The following ASB5 variants were observed in gnomAD, a reference collection of about 807,000 sequenced individuals.
The protein encoded by ASB5 is ankyrin repeat and SOCS box protein 5.
Under a neutral mutation model 42.1 loss-of-function variants are expected in ASB5, and 45 were observed. The observed-to-expected ratio is 1.07, with a 90% confidence interval of 0.84 to 1.37. ASB5 has a LOEUF of 1.37. ASB5 is among the 40% of genes most tolerant of loss of function. ASB5 has a pLI of 0.00. For synonymous variants in ASB5, 147 were observed against 150.6 expected (o/e 0.98, Z 0.18); for missense variants, 402 against 399.8 (o/e 1.01, Z -0.05).
At chr4:176,221,639 G>T in intron 3 of ASB5, 39 bp from the exon 4 acceptor site, 1 of 1,534,778 alleles carries the variant, frequency 6.5e-7, no homozygotes, top group Non-Finnish European at 8.9e-7. Flanking sequence ...AGATTCATAA[G>T]TCATACATGA....
At chr4:176,257,047 A>AT (rs1754170584) in intron 1 of ASB5, among the ~76,000 whole-genome samples, 2 of 152,340 alleles carry the variant, frequency 1.3e-5, no homozygotes, top group East Asian at 1.9e-4. Flanking sequence ...TTGACATTAG[A>AT]TTTTGTCTTT....
chr4:176,265,381 AGTGAGT>A (rs1257970981), intron 1 of ASB5, among the ~76,000 whole-genome samples: 1 of 152,198 alleles, frequency 6.6e-6, no homozygotes, highest in Non-Finnish European at 1.5e-5. Flanking sequence ...GTCATTTGGC[AGTGAGT>A]GTTCTGGAAA....
intron 1 of ASB5, among the ~76,000 whole-genome samples, chr4:176,254,344 T>A (rs1754106580): frequency 6.6e-6 from 1 of 152,196 alleles, no homozygotes; most frequent in Non-Finnish European, 1.5e-5. Flanking sequence ...GATTCTGGAA[T>A]AGCTGGCTAG....
intron 2 of ASB5, among the ~76,000 whole-genome samples, chr4:176,224,667 C>T (rs369566828): frequency 6.6e-6 from 1 of 151,960 alleles, no homozygotes; most frequent in Non-Finnish European, 1.5e-5. Flanking sequence ...GCCATTGTGC[C>T]AGCCTAGCTG....
At position 176,225,337 on chromosome 4, in the gene ASB5, G is replaced by C; in HGVS notation, c.201C>G (p.Ser67=). The C allele has an allele frequency of 6.2e-7, 1 of 1,612,596 alleles. No individual in the cohort carries two copies. Residue 67 remains serine, a synonymous_variant, in exon 2 of 7, where the codon TCC becomes TCG. Coordinates refer to ENST00000296525, the MANE Select transcript of ASB5 (RefSeq NM_080874.4). ...CATGTAGTGGTGATCGATCTGCCCA[G>C]GAACCTGTCAAAAAAGAAAAAAAGA... ...EFYGVTQGQG[S]WADRSPLHEA...
upstream of ASB5, among the ~76,000 whole-genome samples, chr4:176,272,426 A>G (rs1385771402): frequency 6.6e-6 from 1 of 152,196 alleles, no homozygotes; most frequent in East Asian, 1.9e-4. Flanking sequence ...TTTTAATAAA[A>G]TAATGGAGTG....
At chr4:176,235,821 T>G (rs1300390451) in intron 1 of ASB5, among the ~76,000 whole-genome samples, 2 of 151,700 alleles carry the variant, frequency 1.3e-5, no homozygotes, top group African/African-American at 2.4e-5. Flanking sequence ...AATCATAGCA[T>G]GGGGGCATTT....
In ASB5 at chr4:176,221,515, T is replaced by A. The variant is rs751819078; in HGVS notation, c.470A>T (p.Glu157Val). The change falls in exon 4 of 7, where the codon GAG (glutamate) becomes GTG (valine). Residue 157 changes from glutamate (E) to valine (V), a missense_variant. By Grantham distance (121) the Glu-to-Val change is moderately radical (BLOSUM62 -2). Transcript: ENST00000296525. ...CTCCAGCTGGGCTTTGGCACCATACTCCAGAAGCAGCTCTGCACAGCTTGG... is the reference window on the plus strand; with the variant it reads ...CTCCAGCTGGGCTTTGGCACCATACACCAGAAGCAGCTCTGCACAGCTTGG... ...GSPSCAELLLEYGAKAQLESC... is the reference protein window; with the variant it reads ...GSPSCAELLLVYGAKAQLESC... 6.2e-7 allele frequency: 1 copy of A among 1,614,152 alleles called. No homozygotes were observed. The highest frequency in any genetic ancestry group is 8.5e-7 in the Non-Finnish European group (1 of 1,180,006).
At chr4:176,251,078 A>G (rs1357377127) in intron 1 of ASB5, among the ~76,000 whole-genome samples, 1 of 151,996 alleles carries the variant, frequency 6.6e-6, no homozygotes, top group Non-Finnish European at 1.5e-5. Flanking sequence ...TCTGATCTGC[A>G]CCATGGACAA....
chr4:176,229,981 C>T lies in ASB5; in HGVS notation c.197-4640G>A, dbSNP rs1415574346. Among the ~76,000 whole-genome samples the T allele has an allele frequency of 3.9e-5, 6 of 152,020 alleles. No homozygotes were observed. The South Asian group carries it at 8.3e-4, about 21-fold the overall frequency. The stretch of plus-strand genomic sequence containing the variant: ...AGCAGGAGGAAGTGAGAAATGGGAT[C>T]GGGTGTAGGAAAAAAGCTGAGGGGC... On this transcript the variant is annotated intron_variant, in intron 1 of 6. Transcript: ENST00000296525.
chr4:176,243,796 G>A lies in ASB5; in HGVS notation c.197-18455C>T, dbSNP rs60836258. ...TGGTATTACAGGCATGAGCCACTAC[G>A]CAGGCAATTTTTTCCCTTAAAGTCT... On this transcript the variant is annotated intron_variant, in intron 1 of 6. Transcript: ENST00000296525. 2.5e-3 allele frequency among the ~76,000 whole-genome samples: 382 copies of A among 152,252 alleles called. 5 individuals are homozygous for A. The highest frequency in any genetic ancestry group is 8.9e-3 in the African/African-American group (368 of 41,574).
intron 1 of ASB5, among the ~76,000 whole-genome samples, chr4:176,232,241 G>C (rs1753568269): frequency 6.6e-6 from 1 of 151,552 alleles, no homozygotes; most frequent in Non-Finnish European, 1.5e-5. Flanking sequence ...CCCTGCCTCA[G>C]CCACCCAAGT....
At chr4:176,221,746 T>C (rs946581410) in intron 3 of ASB5, 146 bp from the exon 4 acceptor site, 21 of 742,686 alleles carry the variant, frequency 2.8e-5, no homozygotes, top group Admixed American at 1.7e-4. Context: ...ACTTTGCTCT[T>C]ATGCATTAAC....
intron 2 of ASB5, among the ~76,000 whole-genome samples, chr4:176,274,909 A>ATTTTTTTTTTTTTTTTTTTTT (rs35690692): frequency 9.4e-6 from 1 of 106,304 alleles, no homozygotes; most frequent in African/African-American, 3.7e-5. Context: ...CAGCATAGCA[A>ATTTTTTTTTTTTTTTTTTTTT]TTTTTTTTTT....
At chr4:176,254,596 T>C (rs565832027) in intron 1 of ASB5, among the ~76,000 whole-genome samples, 12 of 151,116 alleles carry the variant, frequency 7.9e-5, no homozygotes, top group African/African-American at 2.7e-4. Flanking sequence ...GAAGAAACTA[T>C]TAACGGAGTA....
intron 1 of ASB5, among the ~76,000 whole-genome samples, chr4:176,225,859 G>A (rs1312820791): frequency 1.3e-5 from 2 of 152,130 alleles, no homozygotes; most frequent in African/African-American, 4.8e-5. Flanking sequence ...CAAAGTGCTG[G>A]GATTACAGGC....
At chr4:176,221,041 T>C in intron 5 of ASB5, 114 bp downstream of exon 5, 7 of 1,313,678 alleles carry the variant, frequency 5.3e-6, no homozygotes, top group Non-Finnish European at 7.1e-6. Flanking sequence ...TGAAAATGCT[T>C]AAAATAAGAA....
intron 1 of ASB5, among the ~76,000 whole-genome samples, chr4:176,231,069 G>A (rs1753528346): frequency 6.6e-6 from 1 of 152,140 alleles, no homozygotes; most frequent in Non-Finnish European, 1.5e-5. Context: ...AATTTACAGG[G>A]AGAGAGCCTG....
chr4:176,224,221 ATTTTTTTTTT>A (rs869080360), intron 2 of ASB5, among the ~76,000 whole-genome samples: 41 of 87,234 alleles, frequency 4.7e-4, no homozygotes, highest in African/African-American at 1.8e-3. Flanking sequence ...TGTGCATTTG[ATTTTTTTTTT>A]TTTTTTTTTT....
Sources: gnomAD v4.1 joint callset for allele counts (sites outside exome capture counted in the v4.1 genomes callset) on GRCh38, gnomAD v4.1.1 for gene constraint, MANE v1.5 for transcripts, NCBI Gene and HGNC (gene_info 2026-07-23, HGNC 2026-07-21) for gene names.